Variants in SDHAF3 observed in about 807,000 individuals in gnomAD.
SDHAF3 encodes succinate dehydrogenase assembly factor 3, mitochondrial.
Under a neutral mutation model 11.5 loss-of-function variants are expected in SDHAF3, and 18 were observed. That is an observed-to-expected ratio of 1.56 (90% CI 1.08 to 2.32). The LOEUF is 2.32. Ranked by LOEUF, SDHAF3 falls within the 30% of genes most tolerant of loss-of-function variation. The pLI, the probability that SDHAF3 is intolerant of heterozygous loss-of-function variation, is 0.00. For missense variants in SDHAF3, 200 were observed against 154.4 expected (o/e 1.30, Z -1.57); for synonymous variants, 72 against 59.3 (o/e 1.21, Z -0.99).
intron 1 of SDHAF3, among the ~76,000 whole-genome samples, chr7:97,132,488 A>G (rs538155164): frequency 1.3e-5 from 2 of 152,304 alleles, no homozygotes; most frequent in South Asian, 2.1e-4. Flanking sequence ...AGTGTCATCT[A>G]TCTGGTCTAG....
chr7:97,155,433 T>G (rs1789287228), intron 1 of SDHAF3, among the ~76,000 whole-genome samples: 1 of 152,174 alleles, frequency 6.6e-6, no homozygotes, highest in Non-Finnish European at 1.5e-5. Context: ...GGCCAACTTC[T>G]TATCCTTTTA....
chr7:97,157,778 T>C (rs529837903), intron 1 of SDHAF3, among the ~76,000 whole-genome samples: 1 of 152,244 alleles, frequency 6.6e-6, no homozygotes, highest in Non-Finnish European at 1.5e-5. Flanking sequence ...CATGAAATGC[T>C]ATGCAGCCAT....
chr7:97,161,433 T>C (rs1789407925), intron 1 of SDHAF3, among the ~76,000 whole-genome samples: 1 of 152,196 alleles, frequency 6.6e-6, no homozygotes, highest in Admixed American at 6.5e-5. Context: ...TGCTGGTTTC[T>C]TATTATTCAT....
intron 1 of SDHAF3, among the ~76,000 whole-genome samples, chr7:97,141,440 G>A (rs950976608): frequency 1.3e-5 from 2 of 152,080 alleles, no homozygotes; most frequent in Non-Finnish European, 2.9e-5. Flanking sequence ...AACATGTGAT[G>A]TCTTCCCCGG....
rs557472439 is a variant in SDHAF3 at position 97,121,997 on chromosome 7, A to G, written c.174+4100A>G. Among the ~76,000 whole-genome samples the G allele has an allele frequency of 1.4e-4, 22 of 152,072 alleles. No homozygotes were observed. In the South Asian group the frequency reaches 4.4e-3, roughly 30 times the overall value. On this transcript the variant is annotated intron_variant, in intron 1 of 1. Transcript: ENST00000432641. ...CTCAGCCTCCTGAGTAGCTGGGACTACAGGCGCCCACCACTGCGCCCAGCT... is the reference window on the plus strand; with the variant it reads ...CTCAGCCTCCTGAGTAGCTGGGACTGCAGGCGCCCACCACTGCGCCCAGCT...
At chr7:97,121,002 A>G (rs1015148251) in intron 1 of SDHAF3, among the ~76,000 whole-genome samples, 1 of 152,240 alleles carries the variant, frequency 6.6e-6, no homozygotes, top group Admixed American at 6.5e-5. Context: ...ATGTTTACAG[A>G]GTAAATAGTG....
chr7:97,157,882 C>G (rs1189674632), intron 1 of SDHAF3, among the ~76,000 whole-genome samples: 2 of 147,742 alleles, frequency 1.4e-5, no homozygotes, highest in Non-Finnish European at 3.0e-5. Context: ...CCAAACACCG[C>G]ATGTTCTCAC....
chr7:97,173,655 C>G (rs1211920535), intron 1 of SDHAF3, among the ~76,000 whole-genome samples: 3 of 151,048 alleles, frequency 2.0e-5, no homozygotes, highest in East Asian at 3.9e-4. Context: ...CAGGTTGATG[C>G]CAGTCTCCTG....
At chr7:97,140,638 A>G (rs1789019124) in intron 1 of SDHAF3, among the ~76,000 whole-genome samples, 1 of 152,198 alleles carries the variant, frequency 6.6e-6, no homozygotes, top group Admixed American at 6.5e-5. Context: ...ATCTCTGAAC[A>G]TAAATTGTGA....
chr7:97,159,718 A>G (rs762129334), intron 1 of SDHAF3, among the ~76,000 whole-genome samples: 2 of 152,192 alleles, frequency 1.3e-5, no homozygotes, highest in Non-Finnish European at 2.9e-5. Context: ...TCTGGGGAAC[A>G]TGGAAGTAGA....
At chr7:97,169,730 A>C (rs1236696109) in intron 1 of SDHAF3, among the ~76,000 whole-genome samples, 2 of 152,088 alleles carry the variant, frequency 1.3e-5, no homozygotes, top group Non-Finnish European at 2.9e-5. Flanking sequence ...AAAAAGCCTG[A>C]TTATAAAAAA....
chr7:97,142,890 C>CT (rs35198717), intron 1 of SDHAF3: 4,768 of 87,064 alleles, frequency 0.055, 328 homozygotes, highest in East Asian at 0.23. Context: ...TTCTTAAATT[C>CT]TTTTTTTTTT....
intron 1 of SDHAF3, 49 bp downstream of exon 1, chr7:97,117,946 T>C: frequency 2.5e-6 from 4 of 1,593,670 alleles, no homozygotes; most frequent in Non-Finnish European, 3.4e-6. Context: ...GGTTCCTCGG[T>C]GTCCAGGTTT....
intron 1 of SDHAF3, among the ~76,000 whole-genome samples, chr7:97,120,486 CTT>C (rs1283039637): frequency 6.6e-6 from 1 of 152,030 alleles, no homozygotes; most frequent in East Asian, 1.9e-4. Flanking sequence ...ACTTCCAAGT[CTT>C]TTTCCCCCCC....
chr7:97,122,069 G>T (rs1297379087), intron 1 of SDHAF3, among the ~76,000 whole-genome samples: 3 of 152,128 alleles, frequency 2.0e-5, no homozygotes, highest in African/African-American at 7.2e-5. Context: ...GTGTTAGCCA[G>T]GATGGTATTG....
chr7:97,174,874 G>T (rs747267542), intron 1 of SDHAF3, among the ~76,000 whole-genome samples: 39 of 152,146 alleles, frequency 2.6e-4, no homozygotes, highest in Non-Finnish European at 5.3e-4. Context: ...TTACTTCTGA[G>T]ACTGGCGTTG....
chr7:97,123,795 T>C (rs557042194), intron 1 of SDHAF3, among the ~76,000 whole-genome samples: 45 of 151,930 alleles, frequency 3.0e-4, no homozygotes, highest in Middle Eastern at 3.4e-3. Context: ...TGTCTTTTTT[T>C]TTTTTTTGAG....
intron 1 of SDHAF3, among the ~76,000 whole-genome samples, chr7:97,160,410 C>T (rs891060630): frequency 3.3e-5 from 5 of 152,010 alleles, no homozygotes; most frequent in African/African-American, 4.8e-5. Flanking sequence ...GAAGAGACAG[C>T]GACCATCGAG....
chr7:97,137,462 A>T (rs564950371), intron 1 of SDHAF3, among the ~76,000 whole-genome samples: 1 of 152,342 alleles, frequency 6.6e-6, no homozygotes, highest in East Asian at 1.9e-4. Flanking sequence ...ATCAAGTTCA[A>T]GTCAAGGATA....
Sources: allele counts gnomAD v4.1 joint callset (sites outside exome capture counted in the v4.1 genomes callset), GRCh38; gene constraint gnomAD v4.1.1; transcripts MANE v1.5; gene names NCBI Gene and HGNC (gene_info 2026-07-23, HGNC 2026-07-21).